Variants in RAB3IL1 observed in about 807,000 individuals in gnomAD.
RAB3IL1 encodes the protein RAB3A interacting protein like 1, also known as guanine nucleotide exchange factor for Rab-3A.
In RAB3IL1, 37 loss-of-function variants were observed where a neutral mutation model predicts 49.2. The observed-to-expected ratio is 0.75, with a 90% CI of 0.58 to 0.99. The LOEUF is 0.99. Among genes scored for constraint, RAB3IL1 ranks in the 50% least tolerant of loss-of-function variants. RAB3IL1 has a pLI of 0.00. For missense variants in RAB3IL1, 484 were observed against 513.0 expected (o/e 0.94, Z 0.55); for synonymous variants, 193 against 213.9 (o/e 0.90, Z 0.85).
chr11:61,901,724 G>A (rs1938926071), intron 8 of RAB3IL1, among the ~76,000 whole-genome samples: 1 of 152,224 alleles, frequency 6.6e-6, no homozygotes, highest in South Asian at 2.1e-4. Context: ...GAAAATAGGG[G>A]CCTCAGTCCT....
chr11:61,913,218 A>C (rs1323306545), intron 1 of RAB3IL1, among the ~76,000 whole-genome samples: 1 of 152,112 alleles, frequency 6.6e-6, no homozygotes, highest in African/African-American at 2.4e-5. Context: ...AGAGTGTTGG[A>C]CACCAGAGCC....
intron 8 of RAB3IL1, among the ~76,000 whole-genome samples, chr11:61,900,992 G>A (rs977118305): frequency 2.0e-5 from 3 of 152,000 alleles, no homozygotes; most frequent in African/African-American, 4.8e-5. Flanking sequence ...CCCAGGTCTC[G>A]GTGTGTGGCC....
At chr11:61,924,641 T>C (rs1370326220), upstream of RAB3IL1, among the ~76,000 whole-genome samples, 3 of 152,190 alleles carry the variant, frequency 2.0e-5, no homozygotes, top group Non-Finnish European at 4.4e-5. Flanking sequence ...ACCTTAAACC[T>C]GGGAGGATTA....
the RAB3IL1 span, among the ~76,000 whole-genome samples, chr11:61,926,104 C>CAGA: frequency 1.6e-5 from 1 of 64,064 alleles, no homozygotes; most frequent in Admixed American, 2.2e-4. Context: ...TCCTTCCTGC[C>CAGA]AAAAAAAAAA....
chr11:61,902,775 C>T (rs538759980), intron 7 of RAB3IL1, among the ~76,000 whole-genome samples: 12 of 152,300 alleles, frequency 7.9e-5, no homozygotes, highest in African/African-American at 2.6e-4. Context: ...CCTTGTTTTG[C>T]CCCTACTGGG....
the RAB3IL1 span, among the ~76,000 whole-genome samples, chr11:61,942,551 T>A: frequency 7.9e-5 from 12 of 152,164 alleles, no homozygotes; most frequent in Non-Finnish European, 1.5e-4. Flanking sequence ...TGGGATGACA[T>A]GCATGAACCA....
chr11:61,927,034 G>A, the RAB3IL1 span, among the ~76,000 whole-genome samples: 3 of 152,084 alleles, frequency 2.0e-5, no homozygotes, highest in African/African-American at 7.2e-5. Context: ...AGTAGAGACG[G>A]GGTTTCAGCA....
chr11:61,935,290 C>G, the RAB3IL1 span, among the ~76,000 whole-genome samples: 480 of 151,376 alleles, frequency 3.2e-3, 1 homozygote, highest in African/African-American at 0.011. Context: ...TGTGGTGGCA[C>G]GCACCTGTGA....
At chr11:61,926,677 C>T in the RAB3IL1 span, among the ~76,000 whole-genome samples, 1 of 152,122 alleles carries the variant, frequency 6.6e-6, no homozygotes, top group Non-Finnish European at 1.5e-5. Flanking sequence ...CCTCAGCCTC[C>T]AGAGTAGCTG....
chr11:61,905,877 G>A (rs1308675103), intron 5 of RAB3IL1, among the ~76,000 whole-genome samples: 1 of 152,196 alleles, frequency 6.6e-6, no homozygotes, highest in African/African-American at 2.4e-5. Context: ...GGTGCTGACA[G>A]GTGGCCTCAT....
chr11:61,901,098 T>A (rs980618463), intron 8 of RAB3IL1, among the ~76,000 whole-genome samples: 1 of 152,024 alleles, frequency 6.6e-6, no homozygotes, highest in African/African-American at 2.4e-5. Context: ...GGATGCCTTG[T>A]GGAGTTCATC....
chr11:61,916,429 G>A (rs1939690874), intron 1 of RAB3IL1, among the ~76,000 whole-genome samples: 1 of 152,064 alleles, frequency 6.6e-6, no homozygotes, highest in South Asian at 2.1e-4. Flanking sequence ...GGGGATGAAA[G>A]GCCATCCCTC....
the RAB3IL1 span, among the ~76,000 whole-genome samples, chr11:61,945,273 G>C: frequency 6.6e-6 from 1 of 152,202 alleles, no homozygotes. Flanking sequence ...CATTTCTAAA[G>C]AGCGCTTAGT....
intron 1 of RAB3IL1, among the ~76,000 whole-genome samples, chr11:61,912,611 G>A (rs1347450063): frequency 2.6e-5 from 4 of 152,240 alleles, no homozygotes; most frequent in African/African-American, 4.8e-5. Flanking sequence ...GGTTCAGAGA[G>A]GGATGGTGAC....
At chr11:61,944,823 G>A in the RAB3IL1 span, among the ~76,000 whole-genome samples, 14 of 152,198 alleles carry the variant, frequency 9.2e-5, no homozygotes, top group African/African-American at 3.1e-4. Context: ...CAGCCTCCCC[G>A]AGTAGCTGGG....
At chr11:61,899,540 A>T (rs983176246) in intron 8 of RAB3IL1, 160 bp from the exon 9 acceptor site, 3 of 622,016 alleles carry the variant, frequency 4.8e-6, no homozygotes, top group Admixed American at 2.7e-5. Flanking sequence ...AATCAACAAC[A>T]GCATGACTAG....
chr11:61,900,964 T>C (rs1938880804), intron 8 of RAB3IL1, among the ~76,000 whole-genome samples: 1 of 151,334 alleles, frequency 6.6e-6, no homozygotes, highest in African/African-American at 2.4e-5. Flanking sequence ...GGGGCTGCAG[T>C]GGACTCAGAG....
chr11:61,929,114 T>C, the RAB3IL1 span, among the ~76,000 whole-genome samples: 1 of 152,228 alleles, frequency 6.6e-6, no homozygotes, highest in Non-Finnish European at 1.5e-5. Context: ...TGATCAAATC[T>C]GGGTAACTGG....
chr11:61,908,816 G>A (rs1939335972), intron 1 of RAB3IL1, among the ~76,000 whole-genome samples: 3 of 152,208 alleles, frequency 2.0e-5, no homozygotes, highest in African/African-American at 7.2e-5. Context: ...GGAAGGATGA[G>A]GCCAGGGCAG....
Sources: gnomAD v4.1 joint callset for allele counts (sites outside exome capture counted in the v4.1 genomes callset) on GRCh38, gnomAD v4.1.1 for gene constraint, MANE v1.5 for transcripts, NCBI Gene and HGNC (gene_info 2026-07-23, HGNC 2026-07-21) for gene names.